Variants in DNAL1 observed in about 807,000 individuals in gnomAD.
DNAL1 encodes the protein dynein axonemal light chain 1, also known as chromosome 14 open reading frame 168.
Under a neutral mutation model 29.4 loss-of-function variants are expected in DNAL1, and 17 were observed. The ratio of observed to expected loss-of-function variants is 0.58; its 90% CI spans 0.40 to 0.87. The LOEUF is 0.87. DNAL1 is among the 40% of genes least tolerant of loss of function. DNAL1 has a pLI of 0.00. For missense variants in DNAL1, 188 were observed against 214.1 expected (o/e 0.88, Z 0.76); for synonymous variants, 78 against 76.3 (o/e 1.02, Z -0.12).
intron 7 of DNAL1, among the ~76,000 whole-genome samples, chr14:73,694,567 A>G (rs78415149): frequency 0.014 from 2,086 of 151,944 alleles, 51 homozygotes; most frequent in African/African-American, 0.043. Context: ...TGTATCCCCA[A>G]TGTTCAGCAA....
chr14:73,663,813 G>T lies in DNAL1; in HGVS notation c.208+1771G>T, dbSNP rs116708748. 4.5e-3 allele frequency among the ~76,000 whole-genome samples: 691 copies of T among 152,302 alleles called. 1 individual carries two copies. The highest frequency in any genetic ancestry group is 0.016 in the African/African-American group (650 of 41,564). On this transcript the variant is annotated intron_variant, in intron 4 of 7. Transcript: ENST00000553645. ...GTGGAAAGGGAACCCCAAGTGAGTT[G>T]CTGTTTTTACAGCTGAATTCAAAAA...
chr14:73,645,089 A>T (rs749466201), intron 1 of DNAL1, 47 bp downstream of exon 1: 130 of 1,598,698 alleles, frequency 8.1e-5, no homozygotes, highest in Non-Finnish European at 1.0e-4. Context: ...GAAGATTGGG[A>T]GTGGAAAAGG....
rs539481036 is a variant in DNAL1, at chr14:73,654,773, C to T, written c.4-74C>T. On this transcript the variant is annotated intron_variant, in intron 1 of 7. Coordinates refer to ENST00000553645, the MANE Select transcript of DNAL1 (RefSeq NM_031427.4). ...GATTCTGTCTCAAAATAAATACATA[C>T]ATACATACATACATACATTCATACA... is the stretch of plus-strand genomic sequence containing the variant. The T allele has an allele frequency of 1.0e-4, 131 of 1,310,346 alleles. No homozygotes were observed. In the South Asian group the frequency reaches 1.8e-3, roughly 18 times the overall value. The allele number at this position is 1,310,346 out of a possible 1,614,324, so 81.2% of individuals were successfully genotyped here.
At position 73,703,082 on chromosome 14, in the gene DNAL1, A is replaced by C. The variant is rs1892475645; in HGVS notation, c.*7140A>C. 6.6e-6 allele frequency: 1 copy of C among 152,166 alleles called. No individual in the cohort carries two copies. The highest frequency in any genetic ancestry group is 2.1e-4 in the South Asian group (1 of 4,828). 9.4% of individuals were successfully genotyped at this position (152,166 alleles called of 1,614,324 possible). A position where few individuals can be genotyped will look rare whatever the true frequency, so the allele number is the denominator to read the frequency against. On this transcript the variant is annotated 3_prime_UTR_variant, in exon 8 of 8. Transcript: ENST00000553645. ...AGTGAGCTATGATCATGTCACTGCA[A>C]GACCCTGTCCCTAAAAAAAGGAAAA...
intron 5 of DNAL1, 104 bp from the exon 6 acceptor site, chr14:73,687,155 A>G: frequency 7.2e-7 from 1 of 1,379,946 alleles, no homozygotes; most frequent in Non-Finnish European, 9.8e-7. Flanking sequence ...GTAGACAGGC[A>G]GGGTCTAAGT....
intron 5 of DNAL1, among the ~76,000 whole-genome samples, chr14:73,686,392 C>T (rs1465917464): frequency 6.6e-6 from 1 of 152,124 alleles, no homozygotes; most frequent in African/African-American, 2.4e-5. Context: ...TTATTATCTA[C>T]TTAACAAATA....
chr14:73,668,801 C>T (rs1466912081), intron 4 of DNAL1, among the ~76,000 whole-genome samples: 7 of 152,134 alleles, frequency 4.6e-5, no homozygotes, highest in African/African-American at 1.4e-4. Context: ...CTCAGCTTTC[C>T]GAGTAGCTGG....
chr14:73,683,857 A>T (rs1445252194), intron 5 of DNAL1, among the ~76,000 whole-genome samples: 1 of 151,980 alleles, frequency 6.6e-6, no homozygotes, highest in African/African-American at 2.4e-5. Flanking sequence ...ACAGGTGCCC[A>T]CCACCACACC....
intron 5 of DNAL1, among the ~76,000 whole-genome samples, chr14:73,681,904 G>T (rs961147984): frequency 1.3e-5 from 2 of 151,648 alleles, no homozygotes; most frequent in Non-Finnish European, 2.9e-5. Flanking sequence ...CCTCAGGTTG[G>T]GAGTTCGAGA....
chr14:73,665,544 A>T (rs1032756410), intron 4 of DNAL1, among the ~76,000 whole-genome samples: 2 of 152,174 alleles, frequency 1.3e-5, no homozygotes. Flanking sequence ...TAATCCCAGC[A>T]CTTTGGGAGG....
chr14:73,682,171 C>CTTT (rs755777316), intron 5 of DNAL1, among the ~76,000 whole-genome samples: 23,593 of 129,338 alleles, frequency 0.18, 3,164 homozygotes, highest in Non-Finnish European at 0.28. Context: ...CTTACTGTAA[C>CTTT]TTTTTTTTTT....
intron 5 of DNAL1, among the ~76,000 whole-genome samples, chr14:73,681,068 A>G (rs1036918713): frequency 6.6e-6 from 1 of 151,660 alleles, no homozygotes; most frequent in African/African-American, 2.4e-5. Flanking sequence ...GGCCTAGGAC[A>G]TTACCGTACA....
At position 73,687,318 on chromosome 14, in the gene DNAL1, G is replaced by T. The variant is rs1206860495; in HGVS notation, c.324G>T (p.Leu108Phe). ...LWISYNFIEKLKGIHIMKKLK... is the reference protein window; with the variant it reads ...LWISYNFIEKFKGIHIMKKLK... ...TCTCCTACAATTTTATTGAGAAGTT[G>T]AAAGGGATCCACATAATGAAGAAAT... Residue 108 changes from leucine (L) to phenylalanine (F), a missense_variant, in exon 6 of 8, where the codon TTG (leucine) becomes TTT (phenylalanine). Physicochemically the swap from Leu to Phe is conservative, Grantham distance 22 (BLOSUM62 0). Coordinates refer to ENST00000553645, the MANE Select transcript of DNAL1 (RefSeq NM_031427.4). The T allele has an allele frequency of 1.2e-6, 2 of 1,613,426 alleles. No homozygotes were observed. Among genetic ancestry groups the T allele is most frequent in the Non-Finnish European group, 1.7e-6 (2 of 1,179,700 alleles).
chr14:73,648,412 A>G (rs1362223795), intron 1 of DNAL1, among the ~76,000 whole-genome samples: 1 of 130,028 alleles, frequency 7.7e-6, no homozygotes, highest in African/African-American at 3.0e-5. Context: ...TCATATATAT[A>G]TATATTTGTT....
At chr14:73,647,899 C>T (rs1461999378) in intron 1 of DNAL1, among the ~76,000 whole-genome samples, 1 of 152,142 alleles carries the variant, frequency 6.6e-6, no homozygotes, top group Non-Finnish European at 1.5e-5. Context: ...CTTAATTTGC[C>T]TAGGTACTTT....
chr14:73,676,863 C>T (rs1425068890), intron 5 of DNAL1, among the ~76,000 whole-genome samples: 1 of 151,898 alleles, frequency 6.6e-6, no homozygotes, highest in Non-Finnish European at 1.5e-5. Flanking sequence ...TGATAGGTAC[C>T]TCAAATTGTT....
intron 2 of DNAL1, among the ~76,000 whole-genome samples, chr14:73,656,432 G>T (rs1322197467): frequency 6.2e-5 from 9 of 145,236 alleles, no homozygotes; most frequent in African/African-American, 1.5e-4. Context: ...ATACATTTTT[G>T]ACTTTTTTTT....
intron 1 of DNAL1, among the ~76,000 whole-genome samples, chr14:73,652,600 G>A (rs897731409): frequency 6.6e-6 from 1 of 152,060 alleles, no homozygotes; most frequent in Middle Eastern, 3.4e-3. Context: ...AATTTGTATT[G>A]CCTTCTTTTT....
At chr14:73,691,797 G>A (rs55733112) in intron 7 of DNAL1, among the ~76,000 whole-genome samples, 1 of 150,098 alleles carries the variant, frequency 6.7e-6, no homozygotes, top group African/African-American at 2.5e-5. Flanking sequence ...GGGTTCAAGC[G>A]ATTCTCCTGC....
Sources: gnomAD v4.1 joint callset for allele counts (sites outside exome capture counted in the v4.1 genomes callset) on GRCh38, gnomAD v4.1.1 for gene constraint, MANE v1.5 for transcripts, NCBI Gene and HGNC (gene_info 2026-07-23, HGNC 2026-07-21) for gene names.